Variants in PCNX1 observed in about 807,000 individuals in gnomAD.
The protein encoded by PCNX1 is pecanex 1.
Under a neutral mutation model 242.2 loss-of-function variants are expected in PCNX1, and 78 were observed. The observed-to-expected ratio is 0.32, with a 90% CI of 0.27 to 0.39. PCNX1 has a LOEUF of 0.39. PCNX1 is among the 10% of genes least tolerant of loss of function. The pLI, the probability that PCNX1 is intolerant of heterozygous loss-of-function variation, is 1.00. For missense variants in PCNX1, 2,581 were observed against 2,856.5 expected, an observed-to-expected ratio of 0.90 and a Z score of 2.20; for synonymous variants, 1,024 against 1,032.9, an observed-to-expected ratio of 0.99 and a Z score of 0.17.
chr14:70,953,305 A>T (rs186613745), intron 2 of PCNX1, among the ~76,000 whole-genome samples: 1 of 152,236 alleles, frequency 6.6e-6, no homozygotes, highest in East Asian at 1.9e-4. Context: ...CATGAAATGT[A>T]AAAGGTGTCT....
chr14:71,100,970 T>C (rs1042925127), intron 30 of PCNX1, among the ~76,000 whole-genome samples: 2 of 152,184 alleles, frequency 1.3e-5, no homozygotes, highest in South Asian at 2.1e-4. Context: ...CTTGACAAGA[T>C]TGTTGTAAAA....
chr14:70,948,730 T>A (rs1183021977), intron 2 of PCNX1, among the ~76,000 whole-genome samples: 1 of 145,770 alleles, frequency 6.9e-6, no homozygotes, highest in Non-Finnish European at 1.5e-5. Context: ...TGTATATACA[T>A]ATATATGTGT....
At chr14:71,035,919 A>G (rs954847575) in intron 18 of PCNX1, 146 bp from the exon 19 acceptor site, 4 of 573,924 alleles carry the variant, frequency 7.0e-6, no homozygotes, top group East Asian at 2.9e-5. Context: ...TAAAGTATCA[A>G]TGAAAACTTC....
chr14:70,923,895 A>G (rs1476503063), intron 1 of PCNX1, among the ~76,000 whole-genome samples: 9 of 152,188 alleles, frequency 5.9e-5, no homozygotes, highest in Middle Eastern at 3.2e-3. Context: ...TCCTATAAAT[A>G]GGATTGCTTT....
At chr14:70,941,002 G>A (rs552541170) in intron 1 of PCNX1, among the ~76,000 whole-genome samples, 1 of 152,176 alleles carries the variant, frequency 6.6e-6, no homozygotes, top group African/African-American at 2.4e-5. Flanking sequence ...TCTCTACATT[G>A]TTTATTCTAG....
chr14:70,918,378 C>T (rs2056234487), intron 1 of PCNX1, among the ~76,000 whole-genome samples: 1 of 152,102 alleles, frequency 6.6e-6, no homozygotes, highest in South Asian at 2.1e-4. Context: ...TTACTATCGT[C>T]TGTGGGCAAG....
intron 3 of PCNX1, among the ~76,000 whole-genome samples, chr14:70,967,393 G>A (rs1595081803): frequency 6.6e-6 from 1 of 152,314 alleles, no homozygotes; most frequent in East Asian, 1.9e-4. Context: ...ATGAAAACGA[G>A]TTACAGGAAG....
intron 10 of PCNX1, 173 bp downstream of exon 10, chr14:71,011,722 T>C (rs959254091): frequency 2.3e-5 from 13 of 577,196 alleles, no homozygotes; most frequent in African/African-American, 1.9e-4. Flanking sequence ...TTCTAAGTCC[T>C]TTGATAAGAA....
Position 70,977,940 on chromosome 14 carries a change from G to A in PCNX1, c.1603G>A (p.Gly535Arg). Residue 535 changes from glycine (G) to arginine (R), a missense_variant, in exon 6 of 36, where the codon GGA becomes AGA. By Grantham distance (125) the Gly-to-Arg change is moderately radical (BLOSUM62 -2). This residue lies in a region of PCNX1 where 1,204 missense variants were observed against 1,216.7 expected (regional missense o/e 0.99). Transcript: ENST00000304743. ...TTCCAAAGTGCGTAAAGATGTTGGT[G>A]GAAAGCAAAAGGAAGGGGATGTTCG... ...VDSKVRKDVG[G>R]KQKEGDVRPK... 6.2e-7 allele frequency: 1 copy of A among 1,614,134 alleles called. No individual in the cohort carries two copies.
At chr14:70,981,225 T>C (rs771381667) in intron 6 of PCNX1, among the ~76,000 whole-genome samples, 2 of 152,184 alleles carry the variant, frequency 1.3e-5, no homozygotes, top group Non-Finnish European at 2.9e-5. Flanking sequence ...CTAGTGCTGC[T>C]GTGACTGTTC....
At position 71,032,012 on chromosome 14, in the gene PCNX1, G is replaced by A. The variant is rs1428306880; in HGVS notation, c.3559-1417G>A. 14 of 950,664 alleles carry A rather than the reference G, an allele frequency of 1.5e-5. No individual in the cohort carries two copies. The Admixed American group carries it at 1.7e-4, about 12-fold the overall frequency. The allele number at this position is 950,664 out of a possible 1,614,324, so 58.9% of individuals were successfully genotyped here. A position where few individuals can be genotyped will look rare whatever the true frequency, so the allele number is the denominator to read the frequency against. ...CATGCCAAGAAAGAATTCAAGACAC[G>A]GACACACACAAGGAGTGGGTTTAAG... On this transcript the variant is annotated intron_variant, in intron 16 of 35. Transcript: ENST00000304743.
At chr14:70,971,484 A>G (rs1439213210) in intron 5 of PCNX1, among the ~76,000 whole-genome samples, 1 of 152,200 alleles carries the variant, frequency 6.6e-6, no homozygotes, top group Non-Finnish European at 1.5e-5. Context: ...ACATTTTTCC[A>G]TATGTTTAAC....
chr14:71,014,362 TC>T (rs1346035814), intron 11 of PCNX1, among the ~76,000 whole-genome samples: 3 of 152,128 alleles, frequency 2.0e-5, no homozygotes, highest in Non-Finnish European at 4.4e-5. Context: ...TAGCATTCAG[TC>T]AAAGATGACC....
chr14:71,004,827 T>A (rs999347423), intron 8 of PCNX1, among the ~76,000 whole-genome samples: 2 of 152,236 alleles, frequency 1.3e-5, no homozygotes, highest in Admixed American at 1.3e-4. Flanking sequence ...CTCCATCAGA[T>A]TATTTCTTGA....
intron 28 of PCNX1, among the ~76,000 whole-genome samples, chr14:71,084,735 T>G (rs1207280381): frequency 6.6e-6 from 1 of 152,218 alleles, no homozygotes; most frequent in Non-Finnish European, 1.5e-5. Flanking sequence ...TTCAGACTGC[T>G]GTGCTGGCAG....
intron 1 of PCNX1, among the ~76,000 whole-genome samples, chr14:70,946,123 A>G (rs918270055): frequency 2.6e-5 from 4 of 152,114 alleles, no homozygotes; most frequent in Non-Finnish European, 4.4e-5. Flanking sequence ...GACTTATTTT[A>G]TTTAATCTGT....
chr14:71,060,541 A>C (rs551163257), intron 26 of PCNX1: 1 of 152,144 alleles, frequency 6.6e-6, no homozygotes, highest in African/African-American at 2.4e-5. Flanking sequence ...ATTCACAGCT[A>C]TTGTTGCCAG....
intron 26 of PCNX1, among the ~76,000 whole-genome samples, chr14:71,062,407 T>G (rs1019816465): frequency 3.3e-5 from 5 of 151,762 alleles, no homozygotes; most frequent in African/African-American, 1.2e-4. Context: ...ATTTTAAATT[T>G]TAAAAATATT....
At chr14:70,996,786 C>T (rs572194729) in intron 8 of PCNX1, among the ~76,000 whole-genome samples, 3 of 152,198 alleles carry the variant, frequency 2.0e-5, no homozygotes, top group Admixed American at 2.0e-4. Context: ...TACTTATAAA[C>T]ATGATAATCC....
Sources: allele counts gnomAD v4.1 joint callset (sites outside exome capture counted in the v4.1 genomes callset), GRCh38; gene constraint gnomAD v4.1.1; regional missense constraint gnomAD v4.1.1; transcripts MANE v1.5; gene names NCBI Gene and HGNC (gene_info 2026-07-23, HGNC 2026-07-21).